Variants in CUL1 observed in about 807,000 individuals in gnomAD.
CUL1 encodes the protein cullin 1, also known as cullin-1.
CUL1 carries 24 observed loss-of-function variants against 118.0 expected under a neutral mutation model. The observed-to-expected ratio is 0.20, with a 90% CI of 0.15 to 0.29. The LOEUF (loss-of-function observed/expected upper bound fraction) is 0.29. Among genes scored for constraint, CUL1 ranks in the 10% least tolerant of loss-of-function variants. CUL1 has a pLI of 1.00. For synonymous variants in CUL1, 332 were observed against 340.4 expected (o/e 0.98, Z 0.27); for missense variants, 361 against 933.8 (o/e 0.39, Z 7.99).
chr7:148,723,344 C>T (rs959886504), intron 1 of CUL1, among the ~76,000 whole-genome samples: 1 of 152,154 alleles, frequency 6.6e-6, no homozygotes, highest in Non-Finnish European at 1.5e-5. Context: ...TGTGTAGGGC[C>T]ACCTTCTCTT....
intron 1 of CUL1, among the ~76,000 whole-genome samples, chr7:148,728,953 A>G (rs1798670190): frequency 6.6e-6 from 1 of 152,204 alleles, no homozygotes; most frequent in African/African-American, 2.4e-5. Context: ...ACTTCCCAAT[A>G]ACATTTGCTT....
intron 2 of CUL1, among the ~76,000 whole-genome samples, chr7:148,731,093 A>G (rs936278150): frequency 1.3e-5 from 2 of 152,182 alleles, no homozygotes; most frequent in Non-Finnish European, 2.9e-5. Flanking sequence ...TTGGTCCACG[A>G]TGTGCATGGG....
At chr7:148,767,538 A>T in intron 8 of CUL1, 81 bp from the exon 9 acceptor site, 7 of 1,250,192 alleles carry the variant, frequency 5.6e-6, no homozygotes, top group Non-Finnish European at 8.0e-6. Flanking sequence ...AGTATTTTTC[A>T]TCTCAGTATA....
chr7:148,716,694 TG>T (rs1798224913), intron 1 of CUL1, among the ~76,000 whole-genome samples: 1 of 152,242 alleles, frequency 6.6e-6, no homozygotes, highest in African/African-American at 2.4e-5. Flanking sequence ...AAAAGGTGCC[TG>T]TTTTCAGTTA....
In CUL1 at chr7:148,725,221, TCACACA is replaced by T. The variant is rs1164701228; in HGVS notation, c.-161-4719_-161-4714del. The stretch of plus-strand genomic sequence containing the variant: ...TGTACACACACACACACGCGCGCGC[TCACACA>T]CACACACACACACACACACACCCGT... On this transcript the variant is annotated intron_variant, in intron 1 of 21. Coordinates refer to ENST00000325222, the MANE Select transcript of CUL1 (RefSeq NM_003592.3). 4.8e-5 allele frequency among the ~76,000 whole-genome samples: 7 copies of T among 145,388 alleles called. No individual in the cohort carries two copies. The East Asian group carries it at 1.0e-3, about 21-fold the overall frequency.
intron 2 of CUL1, among the ~76,000 whole-genome samples, chr7:148,750,822 T>A (rs1302789053): frequency 6.6e-6 from 1 of 152,046 alleles, no homozygotes; most frequent in Non-Finnish European, 1.5e-5. Context: ...TTATGCTAAG[T>A]CAAGCCAATG....
chr7:148,729,882 C>CT, intron 1 of CUL1, 80 bp from the exon 2 acceptor site: 1 of 426,316 alleles, frequency 2.3e-6, no homozygotes, highest in Non-Finnish European at 4.1e-6. Context: ...GCCCTGCAGA[C>CT]TGAGTTTTTC....
chr7:148,755,586 C>T (rs1799627977), intron 3 of CUL1, among the ~76,000 whole-genome samples: 1 of 152,120 alleles, frequency 6.6e-6, no homozygotes, highest in Non-Finnish European at 1.5e-5. Flanking sequence ...TTATTCACAA[C>T]ACATCATAAA....
upstream of CUL1, chr7:148,698,522 A>AG (rs1279313135): frequency 1.3e-5 from 2 of 151,978 alleles, no homozygotes; most frequent in Admixed American, 6.5e-5. Context: ...TGCCGGGGGC[A>AG]GGGGCCGCAG....
intron 9 of CUL1, among the ~76,000 whole-genome samples, chr7:148,771,590 C>T (rs1800214307): frequency 6.6e-6 from 1 of 152,170 alleles, no homozygotes; most frequent in Non-Finnish European, 1.5e-5. Flanking sequence ...CTCCAGCCTT[C>T]AGAGAGCCTC....
chr7:148,733,338 C>A (rs1798827495), intron 2 of CUL1, among the ~76,000 whole-genome samples: 1 of 151,924 alleles, frequency 6.6e-6, no homozygotes, highest in Non-Finnish European at 1.5e-5. Context: ...ATAATTTTAC[C>A]CCCTAACTCT....
intron 2 of CUL1, among the ~76,000 whole-genome samples, chr7:148,748,657 A>G (rs1799379679): frequency 6.6e-6 from 1 of 152,186 alleles, no homozygotes; most frequent in Non-Finnish European, 1.5e-5. Flanking sequence ...ACCAGCTCTA[A>G]TGGGTCCCTG....
At chr7:148,721,989 T>C (rs752685657) in intron 1 of CUL1, among the ~76,000 whole-genome samples, 27 of 152,260 alleles carry the variant, frequency 1.8e-4, no homozygotes, top group Admixed American at 2.0e-4. Context: ...TCATATCTTA[T>C]GTGCCACACT....
At chr7:148,771,025 G>T (rs1481416336) in intron 9 of CUL1, among the ~76,000 whole-genome samples, 2 of 152,158 alleles carry the variant, frequency 1.3e-5, no homozygotes, top group African/African-American at 4.8e-5. Flanking sequence ...TTGAATCATA[G>T]TGTACGAGAA....
chr7:148,740,360 G>A (rs1799103205), intron 2 of CUL1, among the ~76,000 whole-genome samples: 2 of 152,190 alleles, frequency 1.3e-5, no homozygotes, highest in Non-Finnish European at 2.9e-5. Context: ...CAGCCTTAAT[G>A]GCTCTGAGAT....
rs1323876230 is a variant in CUL1 at position 148,760,377 on chromosome 7, A to G, written c.670A>G (p.Thr224Ala). ...AGATGATGCATTTGCAAAGGGCCCT[A>G]CGTTAACAGTGTATAAAGAATCCTT... is the stretch of plus-strand genomic sequence containing the variant. ...NEDDAFAKGPTLTVYKESFES... is the reference protein window; with the variant it reads ...NEDDAFAKGPALTVYKESFES... Residue 224 changes from threonine to alanine, a missense_variant, in exon 7 of 22, where the codon ACG becomes GCG. This residue lies in a region of CUL1 where 169 missense variants were observed against 429.7 expected (regional missense o/e 0.39). Transcript: ENST00000325222. 1 of 1,613,156 alleles carries G rather than the reference A, an allele frequency of 6.2e-7. No individual in the cohort carries two copies. Among genetic ancestry groups the G allele is most frequent in the South Asian group, 1.1e-5 (1 of 90,898 alleles).
chr7:148,793,081 G>A (rs1801070836), intron 17 of CUL1, among the ~76,000 whole-genome samples: 1 of 152,162 alleles, frequency 6.6e-6, no homozygotes, highest in Non-Finnish European at 1.5e-5. Context: ...GATCACTTGA[G>A]CCTGGGAGGT....
intron 7 of CUL1, among the ~76,000 whole-genome samples, chr7:148,761,956 C>G (rs1437025955): frequency 6.6e-6 from 1 of 152,180 alleles, no homozygotes; most frequent in African/African-American, 2.4e-5. Context: ...GGTTCGAGCT[C>G]CTATGAGAAT....
intron 1 of CUL1, among the ~76,000 whole-genome samples, chr7:148,717,256 C>G (rs1798242997): frequency 6.6e-6 from 1 of 152,018 alleles, no homozygotes; most frequent in African/African-American, 2.4e-5. Flanking sequence ...GGGGTTTCAC[C>G]ATGTTGGCCA....
Sources: allele counts gnomAD v4.1 joint callset (sites outside exome capture counted in the v4.1 genomes callset), GRCh38; gene constraint gnomAD v4.1.1; regional missense constraint gnomAD v4.1.1; transcripts MANE v1.5; gene names NCBI Gene and HGNC (gene_info 2026-07-23, HGNC 2026-07-21).